Variants in NCAM2 observed in about 807,000 individuals in gnomAD.
NCAM2 encodes the protein N-CAM-2.
NCAM2 carries 30 observed loss-of-function variants against 98.1 expected under a neutral mutation model. The observed-to-expected ratio is 0.31, with a 90% CI of 0.23 to 0.41. NCAM2 has a LOEUF of 0.41. Among genes scored for constraint, NCAM2 ranks in the 10% least tolerant of loss-of-function variants. NCAM2 has a pLI of 1.00. For missense variants in NCAM2, 867 were observed against 1,005.8 expected, an observed-to-expected ratio of 0.86 and a Z score of 1.87; for synonymous variants, 368 against 342.4, an observed-to-expected ratio of 1.07 and a Z score of -0.83.
At chr21:21,522,633 T>TTTTTG (rs386394409) in intron 16 of NCAM2, among the ~76,000 whole-genome samples, 2 of 11,114 alleles carry the variant, frequency 1.8e-4, no homozygotes, top group East Asian at 0.011. Flanking sequence ...TTTCTTTTTC[T>TTTTTG]TTTTTTTTTT....
At chr21:21,269,757 T>C (rs189839644) in intron 1 of NCAM2, among the ~76,000 whole-genome samples, 133 of 152,290 alleles carry the variant, frequency 8.7e-4, no homozygotes, top group Middle Eastern at 6.8e-3. Flanking sequence ...AGAGGGTGTT[T>C]TCCTTTTTCT....
intron 1 of NCAM2, among the ~76,000 whole-genome samples, chr21:21,088,637 G>A (rs1266411664): frequency 6.6e-6 from 1 of 152,098 alleles, no homozygotes; most frequent in Non-Finnish European, 1.5e-5. Context: ...AAATATAGGG[G>A]GTTGTTGACT....
chr21:21,012,892 T>C (rs1398578465), intron 1 of NCAM2, among the ~76,000 whole-genome samples: 1 of 152,200 alleles, frequency 6.6e-6, no homozygotes, highest in African/African-American at 2.4e-5. Context: ...GATGTTACAA[T>C]TGTAATTATC....
At chr21:21,056,523 T>TGCGCGCAC (rs139613040) in intron 1 of NCAM2, among the ~76,000 whole-genome samples, 1 of 145,286 alleles carries the variant, frequency 6.9e-6, no homozygotes, top group African/African-American at 2.5e-5. Context: ...TGTGTGTGTG[T>TGCGCGCAC]GCATGAGAGA....
At chr21:21,173,395 T>C (rs965827595) in intron 1 of NCAM2, among the ~76,000 whole-genome samples, 12 of 152,184 alleles carry the variant, frequency 7.9e-5, no homozygotes, top group Admixed American at 7.9e-4. Context: ...GACTTTTTTT[T>C]CCGTTTCATT....
chr21:21,123,876 C>A (rs1283930791), intron 1 of NCAM2, among the ~76,000 whole-genome samples: 2 of 39,794 alleles, frequency 5.0e-5, no homozygotes, highest in Non-Finnish European at 1.0e-4. Flanking sequence ...GAGACGGAGT[C>A]TCACTCTGTC....
chr21:21,488,244 A>T (rs181888933), intron 15 of NCAM2, among the ~76,000 whole-genome samples: 1 of 149,056 alleles, frequency 6.7e-6, no homozygotes, highest in African/African-American at 2.5e-5. Context: ...TGTTACACAC[A>T]ATAATATGCA....
chr21:21,396,183 A>G (rs1056523545), intron 9 of NCAM2, among the ~76,000 whole-genome samples: 3 of 152,236 alleles, frequency 2.0e-5, no homozygotes, highest in African/African-American at 4.8e-5. Context: ...AATACCATCA[A>G]TAAGTGGGCT....
intron 16 of NCAM2, among the ~76,000 whole-genome samples, chr21:21,524,668 A>G (rs537303002): frequency 2.0e-5 from 3 of 152,176 alleles, no homozygotes; most frequent in Admixed American, 6.6e-5. Context: ...AATCAACTAT[A>G]TATGTCATCT....
intron 11 of NCAM2, among the ~76,000 whole-genome samples, chr21:21,423,240 G>A (rs1021351853): frequency 2.0e-5 from 3 of 152,128 alleles, no homozygotes; most frequent in Non-Finnish European, 2.9e-5. Context: ...CAGGTAGTAT[G>A]TCCAGCCCCT....
chr21:21,343,158 A>G (rs1317385713), intron 8 of NCAM2, among the ~76,000 whole-genome samples: 1 of 152,198 alleles, frequency 6.6e-6, no homozygotes, highest in East Asian at 1.9e-4. Flanking sequence ...GTAAACACCA[A>G]AACTATTTAC....
chr21:21,492,990 C>T (rs1040933413), intron 15 of NCAM2, among the ~76,000 whole-genome samples: 2 of 151,900 alleles, frequency 1.3e-5, no homozygotes, highest in Non-Finnish European at 2.9e-5. Flanking sequence ...ATGTGAAGTG[C>T]AAACTACCCT....
rs191711267 is a variant in NCAM2, at chr21:21,532,795, A to G, written c.2283-1742A>G. Among the ~76,000 whole-genome samples, 102 of 152,238 alleles carry G rather than the reference A, an allele frequency of 6.7e-4. 1 individual carries two copies. Among genetic ancestry groups the G allele is most frequent in the South Asian group, 5.2e-3 (25 of 4,826 alleles). ...ATGAAAACTAACACACAAACAGACC[A>G]AACAACATTAAGATCCAGTGGTGGT... On this transcript the variant is annotated intron_variant, in intron 16 of 17. Transcript: ENST00000400546.
At chr21:21,451,422 A>G (rs1002481282) in intron 12 of NCAM2, among the ~76,000 whole-genome samples, 2 of 152,186 alleles carry the variant, frequency 1.3e-5, no homozygotes, top group Non-Finnish European at 2.9e-5. Context: ...TTCAATATTA[A>G]TTCTTAATGA....
chr21:21,517,020 T>G (rs1464809403), intron 16 of NCAM2, among the ~76,000 whole-genome samples: 1 of 152,208 alleles, frequency 6.6e-6, no homozygotes, highest in Admixed American at 6.5e-5. Context: ...GGCATCAGGA[T>G]GCCTGTGTGT....
At chr21:21,129,639 T>G (rs531080181) in intron 1 of NCAM2, among the ~76,000 whole-genome samples, 1 of 152,284 alleles carries the variant, frequency 6.6e-6, no homozygotes, top group African/African-American at 2.4e-5. Flanking sequence ...GCATTCTCAC[T>G]TTTTCTTCAC....
At chr21:21,475,812 A>G (rs1488813259) in intron 14 of NCAM2, among the ~76,000 whole-genome samples, 1 of 152,146 alleles carries the variant, frequency 6.6e-6, no homozygotes, top group Admixed American at 6.5e-5. Context: ...ACGAAATAGC[A>G]AAACAGGCCA....
At chr21:21,335,199 GT>G (rs891439458) in intron 6 of NCAM2, among the ~76,000 whole-genome samples, 5 of 151,556 alleles carry the variant, frequency 3.3e-5, no homozygotes, top group African/African-American at 4.8e-5. Context: ...CAAACAAAAT[GT>G]TTTTTTTGCC....
In NCAM2 at chr21:21,244,844, TAAAAAAAAA is replaced by T. The variant is rs11410837; in HGVS notation, c.56-35722_56-35714del. 1.0e-4 allele frequency among the ~76,000 whole-genome samples: 10 copies of T among 99,942 alleles called. No homozygotes were observed. The South Asian group carries it at 1.6e-3, about 16-fold the overall frequency. 65.6% of individuals were successfully genotyped at this position (99,942 alleles called of 152,430 possible). A position where few individuals can be genotyped will look rare whatever the true frequency, so the allele number is the denominator to read the frequency against. On this transcript the variant is annotated intron_variant, in intron 1 of 17. Coordinates refer to ENST00000400546, the MANE Select transcript of NCAM2 (RefSeq NM_004540.5). ...CCTGGGGACAGAGTGAGACTCTGTC[TAAAAAAAAA>T]AAAAAAAAAAAGGACATACGGTATT...
Sources: gnomAD v4.1 joint callset for allele counts (sites outside exome capture counted in the v4.1 genomes callset) on GRCh38, gnomAD v4.1.1 for gene constraint, MANE v1.5 for transcripts, NCBI Gene and HGNC (gene_info 2026-07-23, HGNC 2026-07-21) for gene names.